Variants in MACROD2 observed in about 807,000 individuals in gnomAD.
MACROD2 encodes mono-ADP ribosylhydrolase 2.
Under a neutral mutation model 70.4 loss-of-function variants are expected in MACROD2, and 36 were observed. The observed-to-expected ratio is 0.51, with a 90% CI of 0.39 to 0.68. MACROD2 has a LOEUF of 0.68. MACROD2 is among the 30% of genes least tolerant of loss of function. The pLI, the probability that MACROD2 is intolerant of heterozygous loss-of-function variation, is 0.00. For missense variants in MACROD2, 496 were observed against 538.4 expected (o/e 0.92, Z 0.78); for synonymous variants, 172 against 178.8 (o/e 0.96, Z 0.30).
At chr20:15,427,258 T>G (rs2046310595) in intron 6 of MACROD2, among the ~76,000 whole-genome samples, 1 of 152,234 alleles carries the variant, frequency 6.6e-6, no homozygotes, top group Admixed American at 6.5e-5. Flanking sequence ...CAGATGAAAC[T>G]ATTTGTCCTT....
chr20:15,912,738 C>T (rs6080020), intron 10 of MACROD2, among the ~76,000 whole-genome samples: 7 of 151,692 alleles, frequency 4.6e-5, no homozygotes, highest in Non-Finnish European at 1.0e-4. Flanking sequence ...TTGTTGGAAC[C>T]GAGAATAAAA....
intron 5 of MACROD2, among the ~76,000 whole-genome samples, chr20:14,721,891 C>T (rs2071474226): frequency 6.6e-6 from 1 of 152,198 alleles, no homozygotes; most frequent in African/African-American, 2.4e-5. Flanking sequence ...CTCTAATCCT[C>T]CCCTTCTCTT....
chr20:15,079,990 G>A (rs1164093313), intron 5 of MACROD2, among the ~76,000 whole-genome samples: 1 of 152,006 alleles, frequency 6.6e-6, no homozygotes, highest in African/African-American at 2.4e-5. Flanking sequence ...CAACCTGCCT[G>A]CTTCTTTATC....
intron 3 of MACROD2, among the ~76,000 whole-genome samples, chr20:14,318,182 A>G (rs998821403): frequency 6.6e-6 from 1 of 152,086 alleles, no homozygotes; most frequent in East Asian, 1.9e-4. Context: ...AGAGCCCCCA[A>G]CATACATTCA....
intron 6 of MACROD2, among the ~76,000 whole-genome samples, chr20:15,413,992 C>T (rs902840892): frequency 2.0e-5 from 3 of 152,044 alleles, no homozygotes; most frequent in Admixed American, 6.6e-5. Context: ...TCCAAGTAAC[C>T]GAAGTCAAAT....
chr20:14,467,185 A>G (rs2084463116), intron 3 of MACROD2, among the ~76,000 whole-genome samples: 1 of 152,100 alleles, frequency 6.6e-6, no homozygotes, highest in Admixed American at 6.5e-5. Context: ...GGCTCCACCC[A>G]GTTCGAGCTT....
chr20:15,180,313 G>A (rs1037625560), intron 5 of MACROD2, among the ~76,000 whole-genome samples: 25 of 152,198 alleles, frequency 1.6e-4, no homozygotes, highest in Admixed American at 2.6e-4. Flanking sequence ...TTTTTTATCC[G>A]TTTAGCTTTT....
intron 5 of MACROD2, among the ~76,000 whole-genome samples, chr20:15,110,635 G>T (rs561314994): frequency 6.6e-6 from 1 of 152,280 alleles, no homozygotes; most frequent in South Asian, 2.1e-4. Flanking sequence ...CAGTCTTGTG[G>T]CATGTTCTTG....
chr20:15,395,132 CCTGG>C (rs2045843920), intron 6 of MACROD2, among the ~76,000 whole-genome samples: 2 of 152,186 alleles, frequency 1.3e-5, no homozygotes, highest in Non-Finnish European at 2.9e-5. Flanking sequence ...ACAGTAAAAT[CCTGG>C]AAAAGATGTT....
At chr20:15,660,850 C>G (rs913394644) in intron 8 of MACROD2, among the ~76,000 whole-genome samples, 10 of 34,972 alleles carry the variant, frequency 2.9e-4, no homozygotes, top group African/African-American at 7.9e-4. Context: ...GGATTTCATT[C>G]TTTTTCTTTT....
rs185272017 is a variant in MACROD2 at position 14,705,887 on chromosome 20, C to T, written c.418+20928C>T. Among the ~76,000 whole-genome samples, 6 of 151,940 alleles carry T rather than the reference C, an allele frequency of 3.9e-5. No homozygotes were observed. In the East Asian group the frequency reaches 1.2e-3, roughly 29 times the overall value. ...GATGGAGTCTAGATTTTCTTTCCTT[C>T]TCTTCCTCTCTCTCTTTTTCTTCTC... is the stretch of plus-strand genomic sequence containing the variant. On this transcript the variant is annotated intron_variant, in intron 5 of 17. Coordinates refer to ENST00000684519, the MANE Select transcript of MACROD2 (RefSeq NM_001351661.2).
intron 5 of MACROD2, chr20:14,849,829 G>A (rs2073180078): frequency 8.1e-6 from 3 of 372,656 alleles, no homozygotes; most frequent in Non-Finnish European, 1.6e-5. Flanking sequence ...AAGAGCAAGA[G>A]CAGACTGTAG....
chr20:15,406,915 C>A (rs1394569803), intron 6 of MACROD2, among the ~76,000 whole-genome samples: 1 of 152,148 alleles, frequency 6.6e-6, no homozygotes, highest in Non-Finnish European at 1.5e-5. Context: ...TCCCTTGTAC[C>A]AGCAGAAGCA....
chr20:15,910,412 G>A (rs954377495), intron 10 of MACROD2, among the ~76,000 whole-genome samples: 2 of 151,942 alleles, frequency 1.3e-5, no homozygotes, highest in Non-Finnish European at 2.9e-5. Context: ...GTGTGTGTGT[G>A]TGTGTGTGTG....
At position 14,810,809 on chromosome 20, in the gene MACROD2, G is replaced by A. The variant is rs996281492; in HGVS notation, c.418+125850G>A. ...TACACCAATAGTAGACAAACAGAGA[G>A]CCAATTCACGAGCAAACTCCCATTC... On this transcript the variant is annotated intron_variant, in intron 5 of 17. Transcript: ENST00000684519. Among the ~76,000 whole-genome samples, 9 of 152,050 alleles carry A rather than the reference G, an allele frequency of 5.9e-5. No individual in the cohort carries two copies. In the East Asian group the frequency reaches 1.7e-3, roughly 29 times the overall value.
At chr20:15,071,298 C>G (rs1415456182) in intron 5 of MACROD2, among the ~76,000 whole-genome samples, 1 of 152,148 alleles carries the variant, frequency 6.6e-6, no homozygotes, top group Non-Finnish European at 1.5e-5. Flanking sequence ...GAGGAGTTTT[C>G]AAAAAGCAGA....
intron 7 of MACROD2, among the ~76,000 whole-genome samples, chr20:15,496,591 AGT>A (rs2047300897): frequency 2.0e-5 from 3 of 152,168 alleles, no homozygotes; most frequent in Admixed American, 2.0e-4. Context: ...ATTGCAACTG[AGT>A]GTGATTGCAG....
At chr20:15,842,329 G>A (rs1366438242) in intron 8 of MACROD2, among the ~76,000 whole-genome samples, 1 of 151,932 alleles carries the variant, frequency 6.6e-6, no homozygotes, top group Non-Finnish European at 1.5e-5. Context: ...GAGAATAATA[G>A]GCCACAGAAA....
At chr20:15,434,814 T>C (rs1395925254) in intron 7 of MACROD2, among the ~76,000 whole-genome samples, 2 of 152,124 alleles carry the variant, frequency 1.3e-5, no homozygotes, top group Non-Finnish European at 2.9e-5. Context: ...GTGGTATGTA[T>C]ATACCCCATG....
Sources: gnomAD v4.1 joint callset for allele counts (sites outside exome capture counted in the v4.1 genomes callset) on GRCh38, gnomAD v4.1.1 for gene constraint, MANE v1.5 for transcripts, NCBI Gene and HGNC (gene_info 2026-07-23, HGNC 2026-07-21) for gene names.